Variants in SORBS2 observed in about 807,000 individuals in gnomAD.
The protein encoded by SORBS2 is sorbin and SH3 domain containing 2, also known as sorbin and SH3 domain-containing protein 2.
A neutral mutation model predicts 97.7 loss-of-function variants in SORBS2; 46 were observed. The ratio of observed to expected loss-of-function variants is 0.47; its 90% CI spans 0.37 to 0.60. The LOEUF (loss-of-function observed/expected upper bound fraction) is 0.60. Among genes scored for constraint, SORBS2 ranks in the 20% least tolerant of loss-of-function variants. The pLI, the probability that SORBS2 is intolerant of heterozygous loss-of-function variation, is 0.00. For synonymous variants in SORBS2, 476 were observed against 473.4 expected (o/e 1.01, Z -0.07); for missense variants, 1,316 against 1,282.3 (o/e 1.03, Z -0.40).
At chr4:185,748,298 TG>T (rs973726150) in intron 2 of SORBS2, among the ~76,000 whole-genome samples, 19 of 152,216 alleles carry the variant, frequency 1.2e-4, no homozygotes, top group African/African-American at 4.6e-4. Flanking sequence ...TGTGTGTGAC[TG>T]GCTCTGTCAC....
At chr4:185,706,785 A>G (rs767931200) in intron 2 of SORBS2, among the ~76,000 whole-genome samples, 1 of 152,200 alleles carries the variant, frequency 6.6e-6, no homozygotes, top group Non-Finnish European at 1.5e-5. Flanking sequence ...TAATGATATA[A>G]TGCTGCATAT....
Position 185,623,601 on chromosome 4 carries a change from C to A in SORBS2, c.1528G>T (p.Asp510Tyr). Residue 510 changes from aspartate (D) to tyrosine (Y), a missense_variant, in exon 7 of 15, where the codon GAC becomes TAC. Coordinates refer to ENST00000418609, the Ensembl canonical transcript of SORBS2. The surrounding 1 kb of genome is among the most constrained non-coding windows in gnomAD (Gnocchi z 6.4). ...TCTAGGTGAATGTAGTCACTGTGGT[C>A]GGACACAACCCCGTCCTGGTCGCTG... 6.2e-7 allele frequency: 1 copy of A among 1,614,074 alleles called. No homozygotes were observed.
At chr4:185,952,172 G>A (rs551411035) in intron 1 of SORBS2, among the ~76,000 whole-genome samples, 4 of 152,176 alleles carry the variant, frequency 2.6e-5, no homozygotes, top group South Asian at 2.1e-4. Context: ...TCACAGGCGT[G>A]TGCCACCACT....
At chr4:185,738,470 C>T (rs1329851565) in intron 2 of SORBS2, among the ~76,000 whole-genome samples, 1 of 152,176 alleles carries the variant, frequency 6.6e-6, no homozygotes, top group Non-Finnish European at 1.5e-5. Context: ...TGCAACCGGG[C>T]AAGTTTCGAA....
chr4:185,689,652 G>A (rs2098051996), intron 2 of SORBS2, among the ~76,000 whole-genome samples: 1 of 152,186 alleles, frequency 6.6e-6, no homozygotes, highest in African/African-American at 2.4e-5. Flanking sequence ...GCAAGGCTCT[G>A]CACTCGACCT....
At chr4:185,653,656 C>T (rs1277081577) in intron 1 of SORBS2, among the ~76,000 whole-genome samples, 1 of 152,134 alleles carries the variant, frequency 6.6e-6, no homozygotes, top group Non-Finnish European at 1.5e-5. Flanking sequence ...AACAACTACT[C>T]AATAAATAAT....
chr4:185,855,187 T>C (rs2099220111), intron 1 of SORBS2, among the ~76,000 whole-genome samples: 1 of 152,210 alleles, frequency 6.6e-6, no homozygotes. Flanking sequence ...TTTTAGGAGC[T>C]ATTGCTGTTT....
chr4:185,756,971 C>T (rs990563330), intron 2 of SORBS2: 60 of 1,457,792 alleles, frequency 4.1e-5, no homozygotes, highest in African/African-American at 2.4e-4. Context: ...TTAATTCACC[C>T]GCTCGCTCCT....
At chr4:185,666,040 G>T in intron 4 of SORBS2, 1 of 1,289,666 alleles carries the variant, frequency 7.8e-7, no homozygotes. Context: ...ATCGGGGGGC[G>T]GAAGGCTGAG....
chr4:185,638,575 C>T (rs2097066760), intron 4 of SORBS2, among the ~76,000 whole-genome samples: 1 of 152,066 alleles, frequency 6.6e-6, no homozygotes, highest in Non-Finnish European at 1.5e-5. Context: ...TCGTCCCTGC[C>T]CTCATTGGTG....
At chr4:185,951,096 G>C (rs923554850) in intron 1 of SORBS2, among the ~76,000 whole-genome samples, 3 of 152,054 alleles carry the variant, frequency 2.0e-5, no homozygotes, top group African/African-American at 7.2e-5. Flanking sequence ...AAATGTTCTT[G>C]GTACCCTTCC....
intron 1 of SORBS2, among the ~76,000 whole-genome samples, chr4:185,861,294 T>G (rs2099223591): frequency 7.4e-6 from 1 of 134,354 alleles, no homozygotes. Context: ...AAGGTTTCTT[T>G]GGAATGTCCT....
intron 1 of SORBS2, among the ~76,000 whole-genome samples, chr4:185,933,542 T>C (rs28532657): frequency 0.77 from 116,356 of 151,976 alleles, 44,620 homozygotes; most frequent in Middle Eastern, 0.87. Context: ...TTGCTTGCCT[T>C]TCCCCTTGCT....
intron 2 of SORBS2, among the ~76,000 whole-genome samples, chr4:185,753,386 T>C (rs187125938): frequency 6.6e-6 from 1 of 152,346 alleles, no homozygotes; most frequent in East Asian, 1.9e-4. Flanking sequence ...TGCAAAATAC[T>C]TTGTAAAAAG....
intron 1 of SORBS2, among the ~76,000 whole-genome samples, chr4:185,783,078 T>G (rs2099039017): frequency 6.6e-6 from 1 of 152,080 alleles, no homozygotes; most frequent in African/African-American, 2.4e-5. Flanking sequence ...ACCACAGAAG[T>G]TAATTTAGCA....
At chr4:185,925,677 C>T (rs1238686350) in intron 1 of SORBS2, among the ~76,000 whole-genome samples, 1 of 152,170 alleles carries the variant, frequency 6.6e-6, no homozygotes, top group Non-Finnish European at 1.5e-5. Context: ...TGACAACTGT[C>T]AGCATCTGCA....
intron 2 of SORBS2, among the ~76,000 whole-genome samples, chr4:185,726,505 C>A (rs935506527): frequency 6.6e-6 from 1 of 151,922 alleles, no homozygotes; most frequent in Non-Finnish European, 1.5e-5. Flanking sequence ...TCAAAAGACC[C>A]ATTCCCCCAA....
chr4:185,693,652 A>G (rs1367051350), intron 2 of SORBS2, among the ~76,000 whole-genome samples: 1 of 152,204 alleles, frequency 6.6e-6, no homozygotes, highest in Non-Finnish European at 1.5e-5. Context: ...AGGTTTTAAA[A>G]CGGAATGAGG....
intron 2 of SORBS2, among the ~76,000 whole-genome samples, chr4:185,729,251 T>C (rs1194524416): frequency 1.3e-5 from 2 of 152,256 alleles, no homozygotes; most frequent in Non-Finnish European, 2.9e-5. Context: ...AATGTGCTAC[T>C]AACTTTTAAG....
Sources: allele counts gnomAD v4.1 joint callset (sites outside exome capture counted in the v4.1 genomes callset), GRCh38; gene constraint gnomAD v4.1.1; non-coding constraint Gnocchi (gnomAD v3.1); transcripts MANE v1.5; gene names NCBI Gene and HGNC (gene_info 2026-07-23, HGNC 2026-07-21).